The following ZNF212 variants were observed in gnomAD, a reference collection of about 807,000 sequenced individuals.
ZNF212 encodes the protein zinc finger protein 212.
Under a neutral mutation model 47.3 loss-of-function variants are expected in ZNF212, and 32 were observed. The ratio of observed to expected loss-of-function variants is 0.68; its 90% confidence interval spans 0.51 to 0.91. The LOEUF is 0.91. Ranked by LOEUF, ZNF212 falls within the 40% of genes least tolerant of loss-of-function variation. The pLI, the probability that ZNF212 is intolerant of heterozygous loss-of-function variation, is 0.00. For missense variants in ZNF212, 555 were observed against 622.8 expected (o/e 0.89, Z 1.16); for synonymous variants, 242 against 253.8 (o/e 0.95, Z 0.44).
At chr7:149,250,599 T>C (rs1461780333) in intron 2 of ZNF212, 51 bp downstream of exon 2, 10 of 1,605,764 alleles carry the variant, frequency 6.2e-6, no homozygotes, top group African/African-American at 2.7e-5. Context: ...GCCAGCCCTT[T>C]AATATGTAAG....
At position 149,253,657 on chromosome 7, in the gene ZNF212, C is replaced by T; in HGVS notation, c.730C>T (p.Leu244=). 1 of 1,614,198 alleles carries T rather than the reference C, an allele frequency of 6.2e-7. No individual in the cohort carries two copies. Among genetic ancestry groups the T allele is most frequent in the Non-Finnish European group, 8.5e-7 (1 of 1,180,030 alleles). The part of the protein sequence containing the change: ...FSCIAEEQAF[L]SPEQTELWGG... ...ATGCATTGCTGAAGAGCAGGCTTTCCTGAGCCCAGAGCAGACCGAACTCTG... is the reference window on the plus strand; with the variant it reads ...ATGCATTGCTGAAGAGCAGGCTTTCTTGAGCCCAGAGCAGACCGAACTCTG... The change falls in exon 5 of 5, where the codon CTG becomes TTG. Residue 244 remains leucine (L), a synonymous_variant. Coordinates refer to ENST00000335870, the MANE Select transcript of ZNF212 (RefSeq NM_012256.4).
intron 1 of ZNF212, among the ~76,000 whole-genome samples, chr7:149,242,322 C>A (rs1386145358): frequency 1.3e-5 from 2 of 151,426 alleles, no homozygotes; most frequent in African/African-American, 2.4e-5. Context: ...CCGCACCCGG[C>A]CTAAGGCAGA....
In ZNF212 at chr7:149,254,537, C is replaced by T; in HGVS notation, c.*122C>T. Reference sequence around the variant, plus strand: ...GTTGTTTGTGATTGCCTTCCCTTGTCCCAGTACCAAGCCAAGCCCAAAGGC... The same window carrying T: ...GTTGTTTGTGATTGCCTTCCCTTGTTCCAGTACCAAGCCAAGCCCAAAGGC... On this transcript the variant is annotated 3_prime_UTR_variant, in exon 5 of 5. Coordinates refer to ENST00000335870, the MANE Select transcript of ZNF212 (RefSeq NM_012256.4). This position sits in a 1 kb window ranked among gnomAD's most constrained non-coding sequence, Gnocchi z 4.5. 7.2e-7 allele frequency: 1 copy of T among 1,388,778 alleles called. No individual in the cohort carries two copies. The highest frequency in any genetic ancestry group is 9.5e-7 in the Non-Finnish European group (1 of 1,054,682). 86.0% of individuals were successfully genotyped at this position (1,388,778 alleles called of 1,614,324 possible).
At position 149,250,213 on chromosome 7, in the gene ZNF212, G is replaced by T; in HGVS notation, c.79G>T (p.Ala27Ser). The change falls in exon 2 of 5, where the codon GCA becomes TCA. Residue 27 changes from alanine (A) to serine (S), a missense_variant. Ala to Ser is a moderately conservative substitution (Grantham distance 99, BLOSUM62 1). Coordinates refer to ENST00000335870, the MANE Select transcript of ZNF212 (RefSeq NM_012256.4). ...AACTTCTTCCACACTTCCTTCACAA[G>T]CAACAGAGAAAAGCTCCTATTTTCA... Reference protein sequence around the residue: ...PLTSSTLPSQATEKSSYFQTT... With the variant: ...PLTSSTLPSQSTEKSSYFQTT... 6.3e-7 allele frequency: 1 copy of T among 1,575,216 alleles called. No homozygotes were observed. Among genetic ancestry groups the T allele is most frequent in the Non-Finnish European group, 8.6e-7 (1 of 1,161,052 alleles).
chr7:149,251,120 C>T (rs1204969644), intron 3 of ZNF212: 3 of 278,420 alleles, frequency 1.1e-5, no homozygotes, highest in African/African-American at 2.3e-5. Context: ...AATAAAATGT[C>T]ATATACCCTA....
At chr7:149,246,413 T>C (rs34126521) in intron 1 of ZNF212, among the ~76,000 whole-genome samples, 16,490 of 151,690 alleles carry the variant, frequency 0.11, 1,049 homozygotes, top group Non-Finnish European at 0.15. Flanking sequence ...GACGGAGTCT[T>C]ATTCTGTTGC....
intron 1 of ZNF212, chr7:149,240,017 G>T (rs1429919572): frequency 4.0e-6 from 2 of 501,162 alleles, no homozygotes; most frequent in Middle Eastern, 2.9e-4. Context: ...CCTCGGCGCC[G>T]TGCGCCCTTG....
rs1796556809 is a variant in ZNF212, at chr7:149,239,686, G to GCGGCGGCGGCGGCTT, written c.-89_-88insGGCGGCGGCTTCGGC. ...TGGCATCAACACGGCGGCGGCGGCGGCGGCTTCCAACAGGCTCTGGGGCGC... is the reference window on the plus strand; with the variant it reads ...TGGCATCAACACGGCGGCGGCGGCGGCGGCGGCGGCGGCTTCGGCTTCCAACAGGCTCTGGGGCGC... On this transcript the variant is annotated 5_prime_UTR_variant, in exon 1 of 5. Coordinates refer to ENST00000335870, the MANE Select transcript of ZNF212 (RefSeq NM_012256.4). The GCGGCGGCGGCGGCTT allele has an allele frequency of 7.0e-6, 9 of 1,290,456 alleles. No homozygotes were observed. In the East Asian group the frequency reaches 2.8e-4, roughly 40 times the overall value. The allele number at this position is 1,290,456 out of a possible 1,614,324, so 79.9% of individuals were successfully genotyped here.
At chr7:149,240,169 C>T in intron 1 of ZNF212, 1 of 233,550 alleles carries the variant, frequency 4.3e-6, no homozygotes, top group Non-Finnish European at 8.2e-6. Context: ...CGAGTGAGCT[C>T]TCCCGCTGCC....
chr7:149,240,384 C>CCG (rs2040050939), intron 1 of ZNF212, among the ~76,000 whole-genome samples: 1 of 141,804 alleles, frequency 7.1e-6, no homozygotes, highest in African/African-American at 2.7e-5. Flanking sequence ...TCTCCTTCAC[C>CCG]CCCCCCCCAA....
chr7:149,253,030 A>G (rs1182377165), intron 4 of ZNF212, among the ~76,000 whole-genome samples: 1 of 152,108 alleles, frequency 6.6e-6, no homozygotes. Flanking sequence ...TGCCCTACAG[A>G]ATAGAGTACC....
chr7:149,248,693 G>A (rs1190200165), intron 1 of ZNF212, among the ~76,000 whole-genome samples: 1 of 152,198 alleles, frequency 6.6e-6, no homozygotes, highest in Non-Finnish European at 1.5e-5. Flanking sequence ...TAAAGTAGAA[G>A]CAAAACAAAC....
At chr7:149,239,921 G>C in intron 1 of ZNF212, 119 bp downstream of exon 1, 1 of 1,181,026 alleles carries the variant, frequency 8.5e-7, no homozygotes, top group Non-Finnish European at 1.1e-6. Flanking sequence ...GGCTGCCGTT[G>C]GCGCGGGTGA....
At chr7:149,246,813 C>CTTTT (rs71194633) in intron 1 of ZNF212, among the ~76,000 whole-genome samples, 3 of 103,588 alleles carry the variant, frequency 2.9e-5, no homozygotes, top group African/African-American at 3.8e-5. Flanking sequence ...TGTCTGAATT[C>CTTTT]TTTTTTTTTT....
intron 1 of ZNF212, among the ~76,000 whole-genome samples, chr7:149,246,408 A>C (rs928141553): frequency 1.4e-5 from 2 of 141,124 alleles, no homozygotes; most frequent in Non-Finnish European, 1.5e-5. Flanking sequence ...TTTGAGACGG[A>C]GTCTTATTCT....
chr7:149,246,159 C>G (rs367548865), intron 1 of ZNF212, among the ~76,000 whole-genome samples: 1 of 152,292 alleles, frequency 6.6e-6, no homozygotes, highest in African/African-American at 2.4e-5. Flanking sequence ...CAAATATTCT[C>G]TCCTTGTTTT....
chr7:149,246,127 T>C (rs974127325), intron 1 of ZNF212, among the ~76,000 whole-genome samples: 1 of 152,242 alleles, frequency 6.6e-6, no homozygotes, highest in African/African-American at 2.4e-5. Flanking sequence ...TCTTGACCTT[T>C]TTCCACTTCA....
At chr7:149,249,272 C>T (rs549855345) in intron 1 of ZNF212, among the ~76,000 whole-genome samples, 1 of 152,152 alleles carries the variant, frequency 6.6e-6, no homozygotes, top group South Asian at 2.1e-4. Flanking sequence ...ATTCACCATC[C>T]CAGCTGCTAG....
chr7:149,251,601 C>T (rs1796760283), intron 3 of ZNF212, among the ~76,000 whole-genome samples: 1 of 150,802 alleles, frequency 6.6e-6, no homozygotes, highest in African/African-American at 2.4e-5. Context: ...GATTCTCCCA[C>T]CTCAGTTTTC....
Sources: allele counts gnomAD v4.1 joint callset (sites outside exome capture counted in the v4.1 genomes callset), GRCh38; gene constraint gnomAD v4.1.1; non-coding constraint Gnocchi (gnomAD v3.1); transcripts MANE v1.5; gene names NCBI Gene and HGNC (gene_info 2026-07-23, HGNC 2026-07-21).